The following LINGO2 variants were observed in gnomAD, a reference collection of about 807,000 sequenced individuals.
LINGO2 encodes leucine rich repeat and Ig domain containing 2.
A neutral mutation model predicts 30.6 loss-of-function variants in LINGO2; 14 were observed. The ratio of observed to expected loss-of-function variants is 0.46; its 90% CI spans 0.30 to 0.72. LINGO2 has a LOEUF of 0.72. Among genes scored for constraint, LINGO2 ranks in the 30% least tolerant of loss-of-function variants. The pLI, the probability that LINGO2 is intolerant of heterozygous loss-of-function variation, is 0.07. For synonymous variants in LINGO2, 317 were observed against 288.5 expected, an observed-to-expected ratio of 1.10 and a Z score of -1.00; for missense variants, 729 against 751.7, an observed-to-expected ratio of 0.97 and a Z score of 0.35.
At chr9:29,140,739 A>G in the LINGO2 span, among the ~76,000 whole-genome samples, 1 of 152,022 alleles carries the variant, frequency 6.6e-6, no homozygotes, top group Non-Finnish European at 1.5e-5. Flanking sequence ...TCAAATTCTA[A>G]TAAATAAAAG....
At chr9:28,567,673 G>C (rs1327857072) in intron 1 of LINGO2, among the ~76,000 whole-genome samples, 2 of 151,998 alleles carry the variant, frequency 1.3e-5, no homozygotes, top group Non-Finnish European at 2.9e-5. Flanking sequence ...AGAGGCAAGG[G>C]TTGAAAAACT....
intron 2 of LINGO2, among the ~76,000 whole-genome samples, chr9:28,382,581 G>C (rs1301677586): frequency 1.3e-5 from 2 of 152,056 alleles, no homozygotes; most frequent in Non-Finnish European, 2.9e-5. Context: ...CTCATGGGGG[G>C]CCATTCACAT....
downstream of LINGO2, among the ~76,000 whole-genome samples, chr9:27,945,501 GC>G (rs1823330901): frequency 6.6e-6 from 1 of 152,060 alleles, no homozygotes; most frequent in Non-Finnish European, 1.5e-5. Context: ...AGAAAGTTGA[GC>G]AAAACCAGAG....
the LINGO2 span, among the ~76,000 whole-genome samples, chr9:28,948,560 C>A: frequency 3.3e-5 from 5 of 152,002 alleles, no homozygotes; most frequent in Admixed American, 6.6e-5. Context: ...CATACACATA[C>A]CACTTAAAAG....
At chr9:28,725,456 C>T in the LINGO2 span, among the ~76,000 whole-genome samples, 17 of 151,402 alleles carry the variant, frequency 1.1e-4, no homozygotes, top group African/African-American at 4.1e-4. Context: ...AACAACGTAT[C>T]ACCGTTCTTA....
At chr9:28,077,073 G>A (rs1163279618) in intron 4 of LINGO2, among the ~76,000 whole-genome samples, 1 of 152,062 alleles carries the variant, frequency 6.6e-6, no homozygotes, top group Non-Finnish European at 1.5e-5. Context: ...ACAGCTTACT[G>A]GTTTCTACCC....
chr9:28,431,109 A>T (rs1162668511), intron 2 of LINGO2, among the ~76,000 whole-genome samples: 1 of 151,096 alleles, frequency 6.6e-6, no homozygotes, highest in Admixed American at 6.6e-5. Flanking sequence ...TTAATAACCT[A>T]ATCTCAAAAG....
chr9:28,675,463 CT>C, the LINGO2 span, among the ~76,000 whole-genome samples: 4 of 151,940 alleles, frequency 2.6e-5, no homozygotes, highest in African/African-American at 7.3e-5. Context: ...GTTGTTTTGG[CT>C]TTTTGAAAGG....
chr9:28,467,087 G>A (rs893803242), intron 2 of LINGO2, among the ~76,000 whole-genome samples: 11 of 151,244 alleles, frequency 7.3e-5, no homozygotes, highest in East Asian at 2.0e-4. Flanking sequence ...GTGCAGTGGC[G>A]CCATCTTGAC....
intron 1 of LINGO2, among the ~76,000 whole-genome samples, chr9:28,512,634 T>TAC (rs1820452128): frequency 1.6e-4 from 1 of 6,448 alleles, no homozygotes; most frequent in African/African-American, 2.8e-4. Flanking sequence ...TATATATATA[T>TAC]ATACACACAT....
Position 28,356,906 on chromosome 9 carries a change from C to T in LINGO2, c.-246+15930G>A, listed in dbSNP as rs143356828. Reference sequence around the variant, plus strand: ...TGAGTGATTATATTATTTCTTAGAACAGAAATATGGGGTAGGGGTAAAAAC... The same window carrying T: ...TGAGTGATTATATTATTTCTTAGAATAGAAATATGGGGTAGGGGTAAAAAC... On this transcript the variant is annotated intron_variant, in intron 3 of 5. Transcript: ENST00000379992. Among the ~76,000 whole-genome samples, 876 of 148,566 alleles carry T rather than the reference C, an allele frequency of 5.9e-3. 7 individuals carry two copies. The highest frequency in any genetic ancestry group is 0.02 in the African/African-American group (817 of 40,228).
intron 2 of LINGO2, among the ~76,000 whole-genome samples, chr9:28,473,513 C>A (rs1387378066): frequency 2.0e-5 from 3 of 151,974 alleles, no homozygotes; most frequent in African/African-American, 7.2e-5. Flanking sequence ...GCTTTTGGGA[C>A]TATATCTCTT....
intron 4 of LINGO2, among the ~76,000 whole-genome samples, chr9:28,074,935 G>A (rs921473148): frequency 2.0e-5 from 3 of 150,670 alleles, no homozygotes; most frequent in South Asian, 4.2e-4. Context: ...TTTTACTTTT[G>A]TATTATACAA....
chr9:28,740,593 T>A, the LINGO2 span, among the ~76,000 whole-genome samples: 1 of 151,936 alleles, frequency 6.6e-6, no homozygotes. Flanking sequence ...TTTTAATTTC[T>A]GTTTCTCTCT....
intron 4 of LINGO2, among the ~76,000 whole-genome samples, chr9:28,219,537 A>T (rs893333974): frequency 5.9e-5 from 9 of 152,182 alleles, no homozygotes; most frequent in Admixed American, 2.6e-4. Flanking sequence ...TCCTTAAATT[A>T]TAATTTTCCT....
At chr9:28,723,797 GT>G in the LINGO2 span, among the ~76,000 whole-genome samples, 1 of 152,034 alleles carries the variant, frequency 6.6e-6, no homozygotes. Flanking sequence ...AAATAGGTAT[GT>G]TGCAATTGGT....
At chr9:28,217,163 T>C (rs565945912) in intron 4 of LINGO2, among the ~76,000 whole-genome samples, 4 of 150,848 alleles carry the variant, frequency 2.7e-5, no homozygotes, top group African/African-American at 9.7e-5. Context: ...ATATACTGTA[T>C]ATATACTATA....
chr9:28,539,290 A>G (rs891275316), intron 1 of LINGO2, among the ~76,000 whole-genome samples: 4 of 152,156 alleles, frequency 2.6e-5, no homozygotes, highest in Non-Finnish European at 5.9e-5. Flanking sequence ...TAATCAACAT[A>G]TCCTATATGT....
the LINGO2 span, among the ~76,000 whole-genome samples, chr9:29,028,450 C>CAG: frequency 2.7e-5 from 4 of 148,190 alleles, no homozygotes; most frequent in East Asian, 8.0e-4. Flanking sequence ...GAGAGAGACA[C>CAG]AGAGAGAGAC....
Sources: allele counts gnomAD v4.1 joint callset (sites outside exome capture counted in the v4.1 genomes callset), GRCh38; gene constraint gnomAD v4.1.1; transcripts MANE v1.5; gene names NCBI Gene and HGNC (gene_info 2026-07-23, HGNC 2026-07-21).